Variants in MCCC2 observed in about 807,000 individuals in gnomAD.
MCCC2 encodes methylcrotonyl-CoA carboxylase subunit 2.
In MCCC2, 52 loss-of-function variants were observed where a neutral mutation model predicts 77.2. That is an observed-to-expected ratio of 0.67 (90% confidence interval 0.54 to 0.85). The LOEUF is 0.85. Ranked by LOEUF, MCCC2 falls within the 40% of genes least tolerant of loss-of-function variation. The probability of loss-of-function intolerance (pLI) is 0.00; values close to 1 mark genes in which losing one functional copy is unlikely to be tolerated. For missense variants in MCCC2, 682 were observed against 703.2 expected (o/e 0.97, Z 0.34); for synonymous variants, 253 against 248.4 (o/e 1.02, Z -0.18).
chr5:71,610,325 G>A lies in MCCC2; in HGVS notation c.624+5857G>A, dbSNP rs185132222. 6.6e-3 allele frequency among the ~76,000 whole-genome samples: 1,001 copies of A among 152,208 alleles called. 16 individuals are homozygous for A. Among genetic ancestry groups the A allele is most frequent in the African/African-American group, 0.023 (953 of 41,542 alleles). On this transcript the variant is annotated intron_variant, in intron 6 of 16. Coordinates refer to ENST00000340941, the MANE Select transcript of MCCC2 (RefSeq NM_022132.5). The stretch of plus-strand genomic sequence containing the variant: ...CGCAATATTCGGGTGGGAGTGACCC[G>A]ATTTTCCAGGTGCGTCCGTCACCCC...
At chr5:71,603,022 A>C (rs1218269569) in intron 5 of MCCC2, 1 of 173,978 alleles carries the variant, frequency 5.7e-6, no homozygotes, top group Admixed American at 5.9e-5. Flanking sequence ...ATTTGAGCAG[A>C]TGTAATTTAA....
intron 5 of MCCC2, 29 bp downstream of exon 5, chr5:71,602,662 A>G (rs1363046518): frequency 3.1e-5 from 50 of 1,614,010 alleles, no homozygotes; most frequent in Non-Finnish European, 4.2e-5. Flanking sequence ...AAAATAAACT[A>G]TTATTAGCTG....
intron 10 of MCCC2, 39 bp from the exon 11 acceptor site, chr5:71,640,964 A>T: frequency 6.4e-7 from 1 of 1,557,288 alleles, no homozygotes; most frequent in South Asian, 1.1e-5. Context: ...ATTCTTTTGC[A>T]ATATAATTTC....
chr5:71,604,216 G>A (rs1183378567), intron 5 of MCCC2, 140 bp from the exon 6 acceptor site: 6 of 718,660 alleles, frequency 8.3e-6, no homozygotes, highest in Non-Finnish European at 1.5e-5. Flanking sequence ...TGGAGAACGA[G>A]GCTCTATAAC....
intron 3 of MCCC2, among the ~76,000 whole-genome samples, chr5:71,596,968 G>T (rs748236168): frequency 1.3e-5 from 2 of 151,998 alleles, no homozygotes; most frequent in Admixed American, 6.6e-5. Context: ...AAATTCTGTA[G>T]TGTGTTAGTA....
chr5:71,645,283 C>T (rs998282075), intron 12 of MCCC2, among the ~76,000 whole-genome samples: 2 of 152,032 alleles, frequency 1.3e-5, no homozygotes, highest in Admixed American at 6.6e-5. Flanking sequence ...ATATTGAAGT[C>T]GAGCAATTAC....
Position 71,626,759 on chromosome 5 carries a change from A to G in MCCC2, c.738+6A>G, listed in dbSNP as rs1580311422. On this transcript the variant is annotated splice_donor_region_variant and intron_variant, in intron 7 of 16. Coordinates refer to ENST00000340941, the MANE Select transcript of MCCC2 (RefSeq NM_022132.5). ...TCTTGGCAGGACCCCCCTTGGTAAG[A>G]ACATAAGAACGTTGGTCGATGGAAA... 7.4e-6 allele frequency: 12 copies of G among 1,612,388 alleles called. No individual in the cohort carries two copies. Among genetic ancestry groups the G allele is most frequent in the Non-Finnish European group, 1.0e-5 (12 of 1,178,464 alleles).
intron 6 of MCCC2, among the ~76,000 whole-genome samples, chr5:71,604,727 C>T (rs981577012): frequency 6.6e-5 from 10 of 151,650 alleles, no homozygotes; most frequent in African/African-American, 2.4e-4. Flanking sequence ...GCTATCCCTC[C>T]CCGCTCCCCC....
At chr5:71,601,917 C>T (rs1745452713) in intron 4 of MCCC2, among the ~76,000 whole-genome samples, 1 of 152,124 alleles carries the variant, frequency 6.6e-6, no homozygotes, top group Admixed American at 6.5e-5. Context: ...CTCAGGATAC[C>T]TTTCATGTGT....
rs766591766 is a variant in MCCC2 at position 71,649,153 on chromosome 5, A to G, written c.1273A>G (p.Met425Val). The G allele has an allele frequency of 8.1e-6, 13 of 1,614,102 alleles. No individual in the cohort carries two copies. The South Asian group carries it at 1.3e-4, about 16-fold the overall frequency. The stretch of plus-strand genomic sequence containing the variant: ...AGGAATTGCCAAGGATGGTGCCAAG[A>G]TGGTGGCCGCTGTGGCCTGTGCCCA... ...AEGIAKDGAK[M>V]VAAVACAQVP... The change falls in exon 14 of 17, where the codon ATG (methionine) becomes GTG (valine). Residue 425 changes from methionine to valine, a missense_variant. Met to Val is a conservative substitution (Grantham distance 21). Transcript: ENST00000340941.
intron 6 of MCCC2, among the ~76,000 whole-genome samples, chr5:71,624,157 G>A (rs1268713137): frequency 6.6e-6 from 1 of 152,058 alleles, no homozygotes; most frequent in Non-Finnish European, 1.5e-5. Flanking sequence ...TCCTTATAAG[G>A]GCACTAATCC....
chr5:71,648,506 C>T (rs548789035), intron 13 of MCCC2, among the ~76,000 whole-genome samples: 5 of 152,204 alleles, frequency 3.3e-5, no homozygotes, highest in Middle Eastern at 3.4e-3. Context: ...ATCTTTATGT[C>T]TTCAAAGTTT....
chr5:71,635,739 A>G (rs746071286), intron 10 of MCCC2: 9 of 234,292 alleles, frequency 3.8e-5, no homozygotes, highest in Admixed American at 5.2e-5. Flanking sequence ...ATTTAGATGG[A>G]CAACTTTTAG....
chr5:71,643,987 A>G lies in MCCC2; in HGVS notation c.1149+92A>G. On this transcript the variant is annotated intron_variant, in intron 12 of 16. Coordinates refer to ENST00000340941, the MANE Select transcript of MCCC2 (RefSeq NM_022132.5). ...ATGAGTTAAAATTTATTGCATAAAAATGCTTAACTAGATGCCTCAGCAACC... is the reference window on the plus strand; with the variant it reads ...ATGAGTTAAAATTTATTGCATAAAAGTGCTTAACTAGATGCCTCAGCAACC... The G allele has an allele frequency of 1.3e-6, 2 of 1,527,340 alleles. 1 individual carries two copies. Among genetic ancestry groups the G allele is most frequent in the South Asian group, 2.3e-5 (2 of 88,160 alleles). The allele number at this position is 1,527,340 out of a possible 1,614,324, so 94.6% of individuals were successfully genotyped here.
intron 15 of MCCC2, among the ~76,000 whole-genome samples, chr5:71,651,115 G>A (rs1225664078): frequency 2.0e-5 from 3 of 152,120 alleles, no homozygotes; most frequent in Non-Finnish European, 4.4e-5. Flanking sequence ...AAGTATCTGA[G>A]GCATAAAGAT....
At chr5:71,616,736 G>A in intron 6 of MCCC2, among the ~76,000 whole-genome samples, 1 of 151,880 alleles carries the variant, frequency 6.6e-6, no homozygotes, top group Non-Finnish European at 1.5e-5. Flanking sequence ...ATCCTTTTAG[G>A]TCAAAAATAT....
chr5:71,599,717 G>T lies in MCCC2; in HGVS notation c.340G>T (p.Val114Leu). Residue 114 changes from valine (V) to leucine (L), a missense_variant, in exon 4 of 17, where the codon GTG becomes TTG. Physicochemically the swap from Val to Leu is conservative, Grantham distance 32. Coordinates refer to ENST00000340941, the MANE Select transcript of MCCC2 (RefSeq NM_022132.5). ...TTACCAGTTATATGACAATGAGGAG[G>T]TGCCAGGAGGTGGCATTATTACAGG... ...AGYQLYDNEE[V>L]PGGGIITGIG... The T allele has an allele frequency of 6.2e-7, 1 of 1,614,126 alleles. No individual in the cohort carries two copies.
At chr5:71,627,403 A>C (rs972361099) in intron 7 of MCCC2, among the ~76,000 whole-genome samples, 2 of 152,148 alleles carry the variant, frequency 1.3e-5, no homozygotes, top group African/African-American at 2.4e-5. Context: ...TTACTTTTTG[A>C]GGAATCACTT....
At chr5:71,642,038 T>G (rs1747134425) in intron 11 of MCCC2, among the ~76,000 whole-genome samples, 1 of 152,194 alleles carries the variant, frequency 6.6e-6, no homozygotes, top group Non-Finnish European at 1.5e-5. Flanking sequence ...TCAAAGCCAT[T>G]TCTGCTTTCT....
Sources: allele counts gnomAD v4.1 joint callset (sites outside exome capture counted in the v4.1 genomes callset), GRCh38; gene constraint gnomAD v4.1.1; transcripts MANE v1.5; gene names NCBI Gene and HGNC (gene_info 2026-07-23, HGNC 2026-07-21).